WDPCP: variants seen among roughly 807,000 people sequenced by gnomAD.
The protein encoded by WDPCP is WD repeat containing planar cell polarity effector.
In WDPCP, 71 loss-of-function variants were observed where a neutral mutation model predicts 93.1. The ratio of observed to expected loss-of-function variants is 0.76; its 90% CI spans 0.63 to 0.93. The LOEUF (loss-of-function observed/expected upper bound fraction) is 0.93, where lower values mean the gene tolerates loss of function less well. Ranked by LOEUF, WDPCP falls within the 40% of genes least tolerant of loss-of-function variation. The pLI is 0.00. For synonymous variants in WDPCP, 315 were observed against 315.0 expected, an observed-to-expected ratio of 1.00 and a Z score of 0.00; for missense variants, 844 against 887.4, an observed-to-expected ratio of 0.95 and a Z score of 0.62.
In WDPCP at chr2:63,678,232, A is replaced by C. The variant is rs565924579; in HGVS notation, n.309-27394T>G. ...TATTATGGTCAACAGATGGCTGTAC[A>C]TCCAGGCATCACAGTCTCATCCTAG... is the stretch of plus-strand genomic sequence containing the variant. On this transcript the variant is annotated intron_variant and non_coding_transcript_variant, in intron 2 of 4. Coordinates refer to the WDPCP transcript ENST00000467687. Among the ~76,000 whole-genome samples, 11 of 152,322 alleles carry C rather than the reference A, an allele frequency of 7.2e-5. No individual in the cohort carries two copies. The South Asian group carries it at 2.3e-3, about 32-fold the overall frequency.
At chr2:63,332,023 A>C (rs913633656) in intron 12 of WDPCP, among the ~76,000 whole-genome samples, 5 of 151,720 alleles carry the variant, frequency 3.3e-5, no homozygotes, top group Non-Finnish European at 7.4e-5. Context: ...ATGGTGCTTT[A>C]AGTATTCATG....
chr2:63,152,353 C>A (rs1671943870), intron 17 of WDPCP, among the ~76,000 whole-genome samples: 1 of 151,338 alleles, frequency 6.6e-6, no homozygotes, highest in Non-Finnish European at 1.5e-5. Context: ...TGGCTCACTG[C>A]AATTTCTTCC....
chr2:63,189,809 T>C (rs1349221246), intron 14 of WDPCP, among the ~76,000 whole-genome samples: 1 of 152,174 alleles, frequency 6.6e-6, no homozygotes, highest in Admixed American at 6.5e-5. Context: ...AAAAGTGTAG[T>C]AGGTCCTTCT....
At chr2:63,783,896 A>G (rs1484944626) in intron 2 of WDPCP, among the ~76,000 whole-genome samples, 1 of 152,158 alleles carries the variant, frequency 6.6e-6, no homozygotes, top group Non-Finnish European at 1.5e-5. Context: ...ACAAAATTGC[A>G]CTTGTACCCC....
rs897720857 is a variant in WDPCP at position 63,821,418 on chromosome 2, G to A, written n.222+6204C>T. 3.9e-5 allele frequency among the ~76,000 whole-genome samples: 6 copies of A among 152,200 alleles called. No homozygotes were observed. The South Asian group carries it at 6.2e-4, about 16-fold the overall frequency. ...TGTTAAGATTTACAAGTATCACTGC[G>A]TGGCTACAGCTCCTGTGTTCCTTTG... On this transcript the variant is annotated intron_variant and non_coding_transcript_variant, in intron 1 of 4. Coordinates refer to the WDPCP transcript ENST00000467687.
At chr2:63,213,435 C>G (rs377682806) in intron 14 of WDPCP, among the ~76,000 whole-genome samples, 5 of 152,004 alleles carry the variant, frequency 3.3e-5, no homozygotes, top group Admixed American at 2.6e-4. Flanking sequence ...TGAGAACAAA[C>G]ACACAACATA....
intron 1 of WDPCP, among the ~76,000 whole-genome samples, chr2:63,545,515 C>T (rs1292957109): frequency 6.6e-6 from 1 of 152,026 alleles, no homozygotes; most frequent in African/African-American, 2.4e-5. Flanking sequence ...CTCTGTTCTC[C>T]AGCATCAGGC....
chr2:63,603,319 T>C (rs545321543), intron 3 of WDPCP, among the ~76,000 whole-genome samples: 1 of 152,350 alleles, frequency 6.6e-6, no homozygotes, highest in African/African-American at 2.4e-5. Context: ...ACCCTTATTT[T>C]AAAATTTTCC....
At chr2:63,397,217 T>A (rs1459132734) in intron 10 of WDPCP, among the ~76,000 whole-genome samples, 2 of 152,110 alleles carry the variant, frequency 1.3e-5, no homozygotes, top group Non-Finnish European at 2.9e-5. Context: ...GAAGGCCGAA[T>A]CGATAGGATT....
At chr2:63,402,317 G>A (rs960413310) in intron 10 of WDPCP, among the ~76,000 whole-genome samples, 11 of 152,058 alleles carry the variant, frequency 7.2e-5, no homozygotes, top group African/African-American at 2.7e-4. Context: ...GGCCTGTTGG[G>A]GGTGGGGAGC....
intron 1 of WDPCP, among the ~76,000 whole-genome samples, chr2:63,533,409 C>G (rs1704013073): frequency 6.6e-6 from 1 of 152,168 alleles, no homozygotes; most frequent in Non-Finnish European, 1.5e-5. Context: ...AATACACATT[C>G]TTCTCAGCAT....
chr2:63,392,589 G>C (rs1298902239), intron 10 of WDPCP, among the ~76,000 whole-genome samples: 1 of 152,162 alleles, frequency 6.6e-6, no homozygotes, highest in Non-Finnish European at 1.5e-5. Context: ...TACCATTAGA[G>C]TGAACAGGCA....
intron 14 of WDPCP, among the ~76,000 whole-genome samples, chr2:63,181,194 G>A (rs1296228164): frequency 1.3e-5 from 2 of 152,010 alleles, no homozygotes; most frequent in African/African-American, 4.8e-5. Context: ...AAGCTCTTTA[G>A]TTGAATTAAG....
At chr2:63,765,774 A>G (rs1433828911) in intron 2 of WDPCP, among the ~76,000 whole-genome samples, 1 of 152,166 alleles carries the variant, frequency 6.6e-6, no homozygotes, top group Non-Finnish European at 1.5e-5. Flanking sequence ...TTTTGGCTCA[A>G]TTCGGGGGCA....
chr2:63,175,214 G>T (rs1407101957), intron 14 of WDPCP, among the ~76,000 whole-genome samples: 1 of 152,000 alleles, frequency 6.6e-6, no homozygotes, highest in Non-Finnish European at 1.5e-5. Context: ...GAAAAGAAAA[G>T]GAAAATATCT....
chr2:63,266,907 CAAAGT>C (rs1270960273), intron 13 of WDPCP, among the ~76,000 whole-genome samples: 5 of 152,032 alleles, frequency 3.3e-5, no homozygotes. Flanking sequence ...TCATACTACC[CAAAGT>C]AATGTACTAA....
chr2:63,540,072 G>A (rs758316779), intron 1 of WDPCP, among the ~76,000 whole-genome samples: 26 of 151,922 alleles, frequency 1.7e-4, no homozygotes, highest in African/African-American at 5.6e-4. Context: ...GAAACTTTTC[G>A]GTATCACTAC....
intron 12 of WDPCP, among the ~76,000 whole-genome samples, chr2:63,362,094 A>G (rs1690506983): frequency 6.6e-6 from 1 of 152,084 alleles, no homozygotes; most frequent in African/African-American, 2.4e-5. Flanking sequence ...TCTTCTAGCT[A>G]TTAATTATTT....
At chr2:63,546,039 TC>T (rs1347315220) in intron 1 of WDPCP, among the ~76,000 whole-genome samples, 2 of 152,008 alleles carry the variant, frequency 1.3e-5, no homozygotes, top group African/African-American at 4.8e-5. Context: ...CCTCTCAGGA[TC>T]CTAAGTCTAA....
Sources: gnomAD v4.1 joint callset for allele counts (sites outside exome capture counted in the v4.1 genomes callset) on GRCh38, gnomAD v4.1.1 for gene constraint, MANE v1.5 for transcripts, NCBI Gene and HGNC (gene_info 2026-07-23, HGNC 2026-07-21) for gene names.